GRHL2: variants seen among roughly 807,000 people sequenced by gnomAD.
The protein encoded by GRHL2 is grainyhead like transcription factor 2.
Under a neutral mutation model 83.8 loss-of-function variants are expected in GRHL2, and 21 were observed. The observed-to-expected ratio is 0.25, with a 90% CI of 0.18 to 0.36. GRHL2 has a LOEUF of 0.36. Ranked by LOEUF, GRHL2 falls within the 10% of genes least tolerant of loss-of-function variation. The pLI is 1.00. For synonymous variants in GRHL2, 280 were observed against 278.9 expected (o/e 1.00, Z -0.04); for missense variants, 623 against 781.8 (o/e 0.80, Z 2.42).
In GRHL2 at chr8:101,669,257, T is replaced by TTTTTC. The variant is rs1252871672; in HGVS notation, c.*2558_*2559insCTTTT. The TTTTTC allele has an allele frequency of 2.7e-5, 4 of 148,244 alleles. No homozygotes were observed. The highest frequency in any genetic ancestry group is 4.5e-5 in the Non-Finnish European group (3 of 66,972). 9.2% of individuals were successfully genotyped at this position (148,244 alleles called of 1,614,324 possible). On this transcript the variant is annotated 3_prime_UTR_variant, in exon 16 of 16. Transcript: ENST00000646743. Reference sequence around the variant, plus strand: ...CATGTGAAATGAGCATTTTTTTCTTTTTTTTTTTTAACAAAGTCTGAACTG... The same window carrying TTTTTC: ...CATGTGAAATGAGCATTTTTTTCTTTTTTTCTTTTTTTTTAACAAAGTCTGAACTG...
Position 101,669,254 on chromosome 8 carries a change from C to CTTTTTTTATTTTTT in GRHL2, c.*2558_*2559insATTTTTTTTTTTTT, listed in dbSNP as rs538261454. ...GGACATGTGAAATGAGCATTTTTTT[C>CTTTTTTTATTTTTT]TTTTTTTTTTTTAACAAAGTCTGAA... On this transcript the variant is annotated 3_prime_UTR_variant, in exon 16 of 16. Transcript: ENST00000646743. 7.9e-6 allele frequency: 1 copy of CTTTTTTTATTTTTT among 126,626 alleles called. No individual in the cohort carries two copies. The highest frequency in any genetic ancestry group is 1.6e-5 in the Non-Finnish European group (1 of 61,468). 7.8% of individuals were successfully genotyped at this position (126,626 alleles called of 1,614,324 possible).
chr8:101,505,934 C>T lies in GRHL2; in HGVS notation c.20+13145C>T, dbSNP rs1272522745. On this transcript the variant is annotated intron_variant, in intron 1 of 15. Coordinates refer to ENST00000646743, the MANE Select transcript of GRHL2 (RefSeq NM_024915.4). ...TTGAATTACAAGCTCCAAGTTTTTCCGCTGCAGCGTATCCAAGTGTGCTTG... is the reference window on the plus strand; with the variant it reads ...TTGAATTACAAGCTCCAAGTTTTTCTGCTGCAGCGTATCCAAGTGTGCTTG... Among the ~76,000 whole-genome samples the T allele has an allele frequency of 3.3e-5, 5 of 152,102 alleles. No individual in the cohort carries two copies. The East Asian group carries it at 5.8e-4, about 18-fold the overall frequency.
At chr8:101,558,943 T>C in intron 4 of GRHL2, 131 bp downstream of exon 4, 1 of 993,220 alleles carries the variant, frequency 1.0e-6, no homozygotes, top group Non-Finnish European at 1.5e-6. Context: ...TTTTAAAAGA[T>C]GTGTTTGTTG....
At chr8:101,494,744 A>C (rs976187815) in intron 1 of GRHL2, among the ~76,000 whole-genome samples, 1 of 152,238 alleles carries the variant, frequency 6.6e-6, no homozygotes, top group Admixed American at 6.5e-5. Flanking sequence ...TATACTTAGC[A>C]GCAATAAGAA....
chr8:101,577,181 C>CT lies in GRHL2; in HGVS notation c.892-217dup, dbSNP rs142364538. On this transcript the variant is annotated intron_variant, in intron 6 of 15. Transcript: ENST00000646743. The stretch of plus-strand genomic sequence containing the variant: ...CTCCTGGTAAAACTGATGTAGGACT[C>CT]TTTTTTTTTTCCTTCATGCTTCAAA... Among the ~76,000 whole-genome samples, 6,126 of 149,190 alleles carry CT rather than the reference C, an allele frequency of 0.041. 394 individuals are homozygous for CT. The highest frequency in any genetic ancestry group is 0.14 in the African/African-American group (5,738 of 40,754).
At chr8:101,647,200 C>T (rs1440634606) in intron 13 of GRHL2, among the ~76,000 whole-genome samples, 1 of 152,076 alleles carries the variant, frequency 6.6e-6, no homozygotes, top group Non-Finnish European at 1.5e-5. Flanking sequence ...CCCCTCTCTA[C>T]TAAAAATACA....
At chr8:101,652,399 C>CTGTG (rs1332441000) in intron 14 of GRHL2, among the ~76,000 whole-genome samples, 39 of 29,204 alleles carry the variant, frequency 1.3e-3, no homozygotes, top group Non-Finnish European at 2.2e-3. Context: ...GTGTGTGTGT[C>CTGTG]TGGTGTGTGT....
chr8:101,570,264 G>T (rs554154443), intron 4 of GRHL2, 75 bp from the exon 5 acceptor site: 129 of 1,108,712 alleles, frequency 1.2e-4, no homozygotes, highest in Non-Finnish European at 1.7e-4. Context: ...AAAATAGTTT[G>T]GATACATTTA....
At chr8:101,508,759 C>T (rs1419443496) in intron 1 of GRHL2, among the ~76,000 whole-genome samples, 1 of 152,062 alleles carries the variant, frequency 6.6e-6, no homozygotes, top group Non-Finnish European at 1.5e-5. Flanking sequence ...ACCACATAAG[C>T]CTATTTGACT....
chr8:101,628,677 T>G (rs1813126529), intron 9 of GRHL2, among the ~76,000 whole-genome samples: 1 of 152,130 alleles, frequency 6.6e-6, no homozygotes, highest in East Asian at 1.9e-4. Flanking sequence ...GAATTCACCA[T>G]TTTAGATGCC....
chr8:101,617,207 T>C (rs1391087355), intron 8 of GRHL2, among the ~76,000 whole-genome samples: 2 of 152,168 alleles, frequency 1.3e-5, no homozygotes, highest in Non-Finnish European at 2.9e-5. Flanking sequence ...TAGATCGTTG[T>C]TGGGCACTTG....
Position 101,573,699 on chromosome 8 carries a change from A to G in GRHL2, c.766A>G (p.Lys256Glu). The G allele has an allele frequency of 1.2e-6, 2 of 1,614,206 alleles. No individual in the cohort carries two copies. The highest frequency in any genetic ancestry group is 1.7e-6 in the Non-Finnish European group (2 of 1,180,036). Residue 256 changes from lysine (K) to glutamate (E), a missense_variant, in exon 6 of 16, where the codon AAA (lysine) becomes GAA (glutamate). Coordinates refer to ENST00000646743, the MANE Select transcript of GRHL2 (RefSeq NM_024915.4). ...ATTTCAGTACACCCTGGAAGCCACC[A>G]AATCTCTCCGTCAGAAGCAGGGGGA... ...GTFQYTLEAT[K>E]SLRQKQGEGP...
chr8:101,572,857 C>G (rs1811854637), intron 5 of GRHL2, among the ~76,000 whole-genome samples: 1 of 152,120 alleles, frequency 6.6e-6, no homozygotes, highest in Non-Finnish European at 1.5e-5. Context: ...GATCTGCACA[C>G]TTTTTCTGAA....
At chr8:101,498,285 AT>A (rs1315687291) in intron 1 of GRHL2, among the ~76,000 whole-genome samples, 1 of 151,894 alleles carries the variant, frequency 6.6e-6, no homozygotes, top group Non-Finnish European at 1.5e-5. Context: ...CGCTCGGCTG[AT>A]TTTTTGTATT....
In GRHL2 at chr8:101,552,023, G is replaced by A. The variant is rs534598784; in HGVS notation, c.217-692G>A. On this transcript the variant is annotated intron_variant, in intron 2 of 15. Transcript: ENST00000646743. ...GCTAATTTTTTGTATTTTTAGTAGA[G>A]ACGGGGTTTCACTGTGTTAGCCGGG... Among the ~76,000 whole-genome samples the A allele has an allele frequency of 6.6e-5, 10 of 152,120 alleles. No individual in the cohort carries two copies. The East Asian group carries it at 1.4e-3, about 21-fold the overall frequency.
At chr8:101,533,780 T>TG (rs1023725742) in intron 1 of GRHL2, among the ~76,000 whole-genome samples, 69 of 152,100 alleles carry the variant, frequency 4.5e-4, no homozygotes, top group African/African-American at 1.5e-3. Flanking sequence ...CTTAGGTATT[T>TG]GGGGGAAGAA....
At chr8:101,673,145 C>T (rs1280444770), downstream of GRHL2, among the ~76,000 whole-genome samples, 1 of 151,642 alleles carries the variant, frequency 6.6e-6, no homozygotes, top group Non-Finnish European at 1.5e-5. Flanking sequence ...ACTGCATCAA[C>T]TAATGAGCAA....
At chr8:101,654,896 C>T (rs759597964) in intron 14 of GRHL2, among the ~76,000 whole-genome samples, 3 of 152,156 alleles carry the variant, frequency 2.0e-5, no homozygotes, top group Non-Finnish European at 4.4e-5. Context: ...TTAAAGAAGT[C>T]TCCAGGCCAG....
At chr8:101,600,539 C>T (rs144812236) in intron 8 of GRHL2, among the ~76,000 whole-genome samples, 6 of 152,346 alleles carry the variant, frequency 3.9e-5, no homozygotes, top group Admixed American at 6.5e-5. Context: ...CTCATCGTTC[C>T]CTGTTCTCTC....
Sources: allele counts gnomAD v4.1 joint callset (sites outside exome capture counted in the v4.1 genomes callset), GRCh38; gene constraint gnomAD v4.1.1; transcripts MANE v1.5; gene names NCBI Gene and HGNC (gene_info 2026-07-23, HGNC 2026-07-21).